The following SSH2 variants were observed in gnomAD, a reference collection of about 807,000 sequenced individuals.
SSH2 encodes the protein slingshot protein phosphatase 2.
A neutral mutation model predicts 135.2 loss-of-function variants in SSH2; 37 were observed. The ratio of observed to expected loss-of-function variants is 0.27; its 90% CI spans 0.21 to 0.36. The LOEUF is 0.36. SSH2 is among the 10% of genes least tolerant of loss of function. The probability of loss-of-function intolerance (pLI) is 1.00; values close to 1 mark genes in which losing one functional copy is unlikely to be tolerated. For synonymous variants in SSH2, 628 were observed against 646.2 expected, an observed-to-expected ratio of 0.97 and a Z score of 0.43; for missense variants, 1,408 against 1,765.3, an observed-to-expected ratio of 0.80 and a Z score of 3.63.
chr17:29,838,604 G>A (rs2042985554), intron 2 of SSH2, among the ~76,000 whole-genome samples: 1 of 152,188 alleles, frequency 6.6e-6, no homozygotes, highest in Non-Finnish European at 1.5e-5. Flanking sequence ...CAGACCAGAA[G>A]AGAGGACGGG....
At position 29,626,802 on chromosome 17, in the gene SSH2, T is replaced by G. The variant is rs537513639; in HGVS notation, c.*4039A>C. The G allele has an allele frequency of 2.6e-5, 4 of 152,654 alleles. No homozygotes were observed. Among genetic ancestry groups the G allele is most frequent in the Non-Finnish European group, 5.9e-5 (4 of 68,034 alleles). 9.5% of individuals were successfully genotyped at this position (152,654 alleles called of 1,614,324 possible). ...AGGCAGCAAATATGCTTGTGTCTAA[T>G]ACATGCCTTGATCTTTTAGTTTGGA... is the stretch of plus-strand genomic sequence containing the variant. On this transcript the variant is annotated 3_prime_UTR_variant, in exon 16 of 16. Transcript: ENST00000540801.
chr17:29,721,360 T>A (rs1441006464), intron 3 of SSH2, among the ~76,000 whole-genome samples: 3 of 152,192 alleles, frequency 2.0e-5, no homozygotes, highest in Non-Finnish European at 2.9e-5. Flanking sequence ...CTGGATTGCT[T>A]TTAGGTTTTG....
intron 2 of SSH2, among the ~76,000 whole-genome samples, chr17:29,838,201 T>C (rs1377146239): frequency 6.6e-6 from 1 of 152,214 alleles, no homozygotes; most frequent in African/African-American, 2.4e-5. Flanking sequence ...CAGCCACGTG[T>C]ATGCATGCTC....
chr17:29,820,257 T>C (rs904116246), intron 2 of SSH2, among the ~76,000 whole-genome samples: 1 of 152,218 alleles, frequency 6.6e-6, no homozygotes, highest in East Asian at 1.9e-4. Flanking sequence ...GAACACAGAT[T>C]GTAAACACCT....
At chr17:29,802,618 C>CAAAAAAAAAAAAAAAAAAAAA (rs74267073) in intron 2 of SSH2, among the ~76,000 whole-genome samples, 2 of 57,380 alleles carry the variant, frequency 3.5e-5, no homozygotes, top group East Asian at 5.5e-4. Context: ...ACTGTTTCTA[C>CAAAAAAAAAAAAAAAAAAAAA]AAAAAAAAAA....
At chr17:29,873,274 A>G (rs1256318356) in intron 1 of SSH2, among the ~76,000 whole-genome samples, 1 of 151,836 alleles carries the variant, frequency 6.6e-6, no homozygotes, top group East Asian at 2.0e-4. Flanking sequence ...AAAATCTCCA[A>G]AGAGGCCGGG....
intron 3 of SSH2, among the ~76,000 whole-genome samples, chr17:29,742,297 C>T (rs1483253100): frequency 6.7e-6 from 1 of 149,868 alleles, no homozygotes; most frequent in Non-Finnish European, 1.5e-5. Flanking sequence ...AAAAAAAAAT[C>T]ACTCACCCAG....
chr17:29,841,247 T>C (rs963034755), intron 2 of SSH2, among the ~76,000 whole-genome samples: 2 of 152,230 alleles, frequency 1.3e-5, no homozygotes, highest in Non-Finnish European at 2.9e-5. Flanking sequence ...TGAAAATTCA[T>C]TGTTATACAT....
rs573585848 is a variant in SSH2, at chr17:29,797,865, G to A, written c.145-3928C>T. On this transcript the variant is annotated intron_variant, in intron 2 of 15. Transcript: ENST00000540801. The stretch of plus-strand genomic sequence containing the variant: ...ATCACGCCACTGCATTCCAACCTGA[G>A]AGACAGAGTGAGACTCTAAAATTAA... 2.1e-3 allele frequency among the ~76,000 whole-genome samples: 323 copies of A among 151,318 alleles called. 1 individual carries two copies. The highest frequency in any genetic ancestry group is 7.7e-3 in the African/African-American group (318 of 41,512).
chr17:29,785,805 CTT>C (rs748367220), intron 3 of SSH2, among the ~76,000 whole-genome samples: 9 of 125,112 alleles, frequency 7.2e-5, no homozygotes, highest in African/African-American at 9.1e-5. Flanking sequence ...AGTCCGTTTA[CTT>C]TTTTTTTTTT....
intron 1 of SSH2, among the ~76,000 whole-genome samples, chr17:29,850,752 G>A (rs996342406): frequency 1.3e-5 from 2 of 152,188 alleles, no homozygotes; most frequent in Admixed American, 6.5e-5. Context: ...TTGGGAGGCC[G>A]AGGCGGGTGG....
chr17:29,826,422 C>T (rs1010788304), intron 2 of SSH2, among the ~76,000 whole-genome samples: 2 of 152,052 alleles, frequency 1.3e-5, no homozygotes, highest in Non-Finnish European at 1.5e-5. Context: ...CAAATGCAAA[C>T]GATGACTACA....
intron 2 of SSH2, among the ~76,000 whole-genome samples, chr17:29,815,986 C>T (rs1055657505): frequency 6.6e-6 from 1 of 151,972 alleles, no homozygotes; most frequent in East Asian, 1.9e-4. Context: ...GTAGCTGGGA[C>T]TACAGGCGCG....
chr17:29,848,882 T>C lies in SSH2; in HGVS notation c.111A>G (p.Glu37=). 6.5e-7 allele frequency: 1 copy of C among 1,534,708 alleles called. No individual in the cohort carries two copies. The highest frequency in any genetic ancestry group is 1.2e-5 in the South Asian group (1 of 84,018). ...CAGTAAAGATTTCTGATTCTTCACA[T>C]TCACAGCAAAGTAATGCTGCTGATT... ...DSESAALLCC[E]CEESEIFTDS... Residue 37 remains glutamate, a synonymous_variant, in exon 2 of 16, where the codon GAA becomes GAG. Transcript: ENST00000540801.
chr17:29,825,076 C>T (rs1180225138), intron 2 of SSH2, among the ~76,000 whole-genome samples: 1 of 150,088 alleles, frequency 6.7e-6, no homozygotes, highest in Admixed American at 6.6e-5. Context: ...TCCAGTCATA[C>T]CTTAAATTTA....
intron 1 of SSH2, 155 bp downstream of exon 1, chr17:29,929,783 C>CT (rs1455736005): frequency 2.5e-5 from 16 of 651,458 alleles, no homozygotes; most frequent in Non-Finnish European, 4.0e-5. Context: ...TGCTGCTAGT[C>CT]TTTAACATGG....
chr17:29,877,024 A>G (rs2066046345), intron 1 of SSH2, among the ~76,000 whole-genome samples: 1 of 152,036 alleles, frequency 6.6e-6, no homozygotes, highest in African/African-American at 2.4e-5. Flanking sequence ...ACTCTATAGG[A>G]AAAAAAATCT....
intron 1 of SSH2, among the ~76,000 whole-genome samples, chr17:29,927,444 G>T (rs192731606): frequency 6.6e-6 from 1 of 152,274 alleles, no homozygotes; most frequent in African/African-American, 2.4e-5. Flanking sequence ...AGAGCTGGCA[G>T]TATTAAAATG....
intron 1 of SSH2, among the ~76,000 whole-genome samples, chr17:29,879,979 A>G (rs1023981763): frequency 6.6e-6 from 1 of 152,242 alleles, no homozygotes; most frequent in Admixed American, 6.5e-5. Flanking sequence ...TGAGACTCAA[A>G]TAAAAAAAAG....
Sources: allele counts gnomAD v4.1 joint callset (sites outside exome capture counted in the v4.1 genomes callset), GRCh38; gene constraint gnomAD v4.1.1; transcripts MANE v1.5; gene names NCBI Gene and HGNC (gene_info 2026-07-23, HGNC 2026-07-21).